NDUFA10: variants seen among roughly 807,000 people sequenced by gnomAD.
The protein encoded by NDUFA10 is NADH:ubiquinone oxidoreductase subunit A10.
In NDUFA10, 40 loss-of-function variants were observed where a neutral mutation model predicts 47.8. That is an observed-to-expected ratio of 0.84 (90% CI 0.65 to 1.09). The LOEUF is 1.09. Among genes scored for constraint, NDUFA10 ranks in the 50% least tolerant of loss-of-function variants. NDUFA10 has a pLI of 0.00. For missense variants in NDUFA10, 413 were observed against 451.1 expected (o/e 0.92, Z 0.76); for synonymous variants, 183 against 172.2 (o/e 1.06, Z -0.49).
At position 239,974,723 on chromosome 2, in the gene NDUFA10, C is replaced by T. The variant is rs530225247; in HGVS notation, c.1000-13537G>A. Among the ~76,000 whole-genome samples, 32 of 151,758 alleles carry T rather than the reference C, an allele frequency of 2.1e-4. 1 individual carries two copies. Among genetic ancestry groups the T allele is most frequent in the South Asian group, 4.2e-4 (2 of 4,752 alleles). ...GGTCATTTAAAAATACGTGACACTC[C>T]GCCACCAAAGAGCTGGTCATTTAAA... On this transcript the variant is annotated intron_variant, in intron 9 of 9. Coordinates refer to ENST00000252711, the MANE Select transcript of NDUFA10 (RefSeq NM_004544.4).
chr2:239,980,826 G>C (rs953921566), intron 9 of NDUFA10, among the ~76,000 whole-genome samples: 1 of 152,172 alleles, frequency 6.6e-6, no homozygotes, highest in South Asian at 2.1e-4. Context: ...CACAAGACAC[G>C]GCCTGGTGTC....
In NDUFA10 at chr2:239,989,036, C is replaced by T. The variant is rs138464040; in HGVS notation, c.999+1038G>A. ...AAGGACAGATAAGGGAGAAACAGCA[C>T]GCGCACTCACACAAGTATACAAGGA... On this transcript the variant is annotated intron_variant, in intron 9 of 9. Coordinates refer to ENST00000252711, the MANE Select transcript of NDUFA10 (RefSeq NM_004544.4). Among the ~76,000 whole-genome samples the T allele has an allele frequency of 2.7e-4, 40 of 150,858 alleles. No individual in the cohort carries two copies. In the East Asian group the frequency reaches 6.9e-3, roughly 26 times the overall value.
In NDUFA10 at chr2:240,010,833, T is replaced by C. The variant is rs181304521; in HGVS notation, c.749+784A>G. Among the ~76,000 whole-genome samples, 5 of 151,558 alleles carry C rather than the reference T, an allele frequency of 3.3e-5. No homozygotes were observed. In the East Asian group the frequency reaches 9.6e-4, roughly 29 times the overall value. ...TAAAATAAATGTAAAAATAAAACTTTTTTTCTAAAATTGCTATACTTTTGT... is the reference window on the plus strand; with the variant it reads ...TAAAATAAATGTAAAAATAAAACTTCTTTTCTAAAATTGCTATACTTTTGT... On this transcript the variant is annotated intron_variant, in intron 6 of 9. Transcript: ENST00000252711.
intron 4 of NDUFA10, among the ~76,000 whole-genome samples, chr2:239,915,495 ACAC>A (rs1693848735): frequency 6.7e-6 from 1 of 148,748 alleles, no homozygotes; most frequent in Non-Finnish European, 1.5e-5. Flanking sequence ...ACACACACAG[ACAC>A]ACACAAATAT....
chr2:239,944,640 G>A (rs1559302160), intron 4 of NDUFA10, among the ~76,000 whole-genome samples: 1 of 152,296 alleles, frequency 6.6e-6, no homozygotes, highest in East Asian at 1.9e-4. Context: ...AAAACTCCAG[G>A]TCTTCCAAGG....
rs776919064 is a variant in NDUFA10 at position 240,021,217 on chromosome 2, A to AAG, written c.438_439dup (p.Leu147SerfsTer6). 6.2e-7 allele frequency: 1 copy of AAG among 1,614,142 alleles called. No homozygotes were observed. The highest frequency in any genetic ancestry group is 1.1e-5 in the South Asian group (1 of 91,082). On this transcript the variant is annotated frameshift_variant, in exon 3 of 10. Transcript: ENST00000252711. LOFTEE classifies it high-confidence loss of function. ...TGCACCTGTGGTCAGCAAGTGCTCCAAGGCATCTGAGTACTGCAGCAGGCG... is the reference window on the plus strand; with the variant it reads ...TGCACCTGTGGTCAGCAAGTGCTCCAAGAGGCATCTGAGTACTGCAGCAGGCG...
At chr2:239,985,566 A>G (rs1695966018) in intron 9 of NDUFA10, among the ~76,000 whole-genome samples, 1 of 152,162 alleles carries the variant, frequency 6.6e-6, no homozygotes, top group Non-Finnish European at 1.5e-5. Flanking sequence ...ACCAACTGGA[A>G]CCGAAAGAGA....
At chr2:239,930,053 G>A (rs34430146) in intron 4 of NDUFA10, among the ~76,000 whole-genome samples, 3,372 of 20,636 alleles carry the variant, frequency 0.16, 909 homozygotes, top group East Asian at 0.25. Context: ...CTGCTCCTCC[G>A]CTGCCCCTGC....
intron 8 of NDUFA10, among the ~76,000 whole-genome samples, chr2:240,003,784 G>C (rs571132627): frequency 2.0e-5 from 3 of 152,294 alleles, no homozygotes; most frequent in Admixed American, 6.5e-5. Flanking sequence ...GAAGCAGCAG[G>C]GGGTGGGTGG....
intron 2 of NDUFA10, 143 bp downstream of exon 2, chr2:240,022,029 T>C: frequency 1.5e-6 from 1 of 654,198 alleles, no homozygotes; most frequent in Non-Finnish European, 2.1e-6. Context: ...GCTTTTTCAA[T>C]AAACAAAAAT....
intron 4 of NDUFA10, among the ~76,000 whole-genome samples, chr2:239,908,249 G>C (rs1311483213): frequency 6.6e-6 from 1 of 152,116 alleles, no homozygotes; most frequent in Admixed American, 6.6e-5. Context: ...GCCTGTTGTG[G>C]GGTGGGGGGA....
chr2:240,007,737 G>A (rs543543644), intron 6 of NDUFA10, among the ~76,000 whole-genome samples: 11 of 152,292 alleles, frequency 7.2e-5, no homozygotes, highest in African/African-American at 2.2e-4. Flanking sequence ...GGCAGTGCCC[G>A]CTGCACGGAA....
At chr2:239,964,453 G>A (rs758152801) in intron 9 of NDUFA10, among the ~76,000 whole-genome samples, 3 of 152,194 alleles carry the variant, frequency 2.0e-5, no homozygotes, top group Non-Finnish European at 4.4e-5. Context: ...ACTTTAGGAG[G>A]ATGCATGTGT....
At chr2:239,988,513 G>A (rs749146080) in intron 9 of NDUFA10, among the ~76,000 whole-genome samples, 4 of 152,170 alleles carry the variant, frequency 2.6e-5, no homozygotes, top group Non-Finnish European at 4.4e-5. Context: ...TTGAGATCAC[G>A]GCTGCTTCTG....
chr2:240,014,940 G>C (rs1003308803), intron 4 of NDUFA10, 80 bp from the exon 5 acceptor site: 1 of 1,593,828 alleles, frequency 6.3e-7, no homozygotes, highest in African/African-American at 1.3e-5. Context: ...TTGAATAAAA[G>C]GGCAAACATA....
chr2:239,899,334 G>A (rs548355459), intron 4 of NDUFA10, among the ~76,000 whole-genome samples: 1 of 67,238 alleles, frequency 1.5e-5, no homozygotes, highest in African/African-American at 5.1e-5. Context: ...AGTCATGGAG[G>A]GGTGTAAAGG....
intron 8 of NDUFA10, among the ~76,000 whole-genome samples, chr2:239,993,518 C>A (rs1696340734): frequency 6.6e-6 from 1 of 152,152 alleles, no homozygotes; most frequent in South Asian, 2.1e-4. Context: ...GACGCAGAAC[C>A]AGGGCAGACT....
At chr2:240,025,166 CCCACCCCG>C (rs1171184509) in intron 1 of NDUFA10, 53 bp downstream of exon 1, 16 of 540,082 alleles carry the variant, frequency 3.0e-5, no homozygotes, top group East Asian at 1.4e-4. Context: ...GGAACTGCTC[CCCACCCCG>C]CCACCCCGCC....
chr2:239,956,596 C>G (rs1163351180), downstream of NDUFA10, among the ~76,000 whole-genome samples: 2 of 152,216 alleles, frequency 1.3e-5, no homozygotes, highest in African/African-American at 2.4e-5. Context: ...TGCTAAGCAC[C>G]AAGCTCACCT....
Sources: gnomAD v4.1 joint callset for allele counts (sites outside exome capture counted in the v4.1 genomes callset) on GRCh38, gnomAD v4.1.1 for gene constraint, MANE v1.5 for transcripts, NCBI Gene and HGNC (gene_info 2026-07-23, HGNC 2026-07-21) for gene names.